The following APBB2 variants were observed in gnomAD, a reference collection of about 807,000 sequenced individuals.
The protein encoded by APBB2 is amyloid beta precursor protein binding family B member 2.
A neutral mutation model predicts 82.5 loss-of-function variants in APBB2; 38 were observed. The ratio of observed to expected loss-of-function variants is 0.46; its 90% CI spans 0.36 to 0.60. The LOEUF (loss-of-function observed/expected upper bound fraction) is 0.60, where lower values mean the gene tolerates loss of function less well. APBB2 is among the 20% of genes least tolerant of loss of function. The pLI, the probability that APBB2 is intolerant of heterozygous loss-of-function variation, is 0.00. For missense variants in APBB2, 772 were observed against 972.3 expected, an observed-to-expected ratio of 0.79 and a Z score of 2.74; for synonymous variants, 341 against 368.2, an observed-to-expected ratio of 0.93 and a Z score of 0.85.
chr4:41,178,408 C>G (rs1770407099), intron 1 of APBB2, among the ~76,000 whole-genome samples: 1 of 152,084 alleles, frequency 6.6e-6, no homozygotes, highest in East Asian at 1.9e-4. Context: ...ATGGAGCCTC[C>G]GGTACCCTGT....
chr4:40,923,692 T>C (rs1781902077), intron 10 of APBB2, among the ~76,000 whole-genome samples: 1 of 152,212 alleles, frequency 6.6e-6, no homozygotes, highest in African/African-American at 2.4e-5. Context: ...GAGGGAAGTC[T>C]GCCTTTCCTT....
intron 1 of APBB2, chr4:41,193,744 TAGAGAG>T: frequency 6.1e-6 from 1 of 165,012 alleles, no homozygotes; most frequent in Admixed American, 6.6e-5. Context: ...AGAGTCTGGG[TAGAGAG>T]AGAGAGGGAG....
intron 4 of APBB2, among the ~76,000 whole-genome samples, chr4:41,044,756 G>A (rs1722786523): frequency 6.6e-6 from 1 of 152,024 alleles, no homozygotes; most frequent in Non-Finnish European, 1.5e-5. Flanking sequence ...GATGCCCAAA[G>A]GACTTTTTCT....
intron 12 of APBB2, chr4:40,881,243 C>G: frequency 1.0e-6 from 1 of 984,980 alleles, no homozygotes; most frequent in South Asian, 4.7e-5. Context: ...ATTATTGTTC[C>G]TTCCTGAAGA....
intron 12 of APBB2, among the ~76,000 whole-genome samples, chr4:40,839,730 T>C (rs1369855729): frequency 2.0e-5 from 3 of 151,956 alleles, no homozygotes; most frequent in African/African-American, 7.3e-5. Context: ...AGTGGTGCCA[T>C]CTCGGCTCAC....
intron 4 of APBB2, among the ~76,000 whole-genome samples, chr4:41,048,949 T>A (rs987429364): frequency 6.6e-6 from 1 of 151,900 alleles, no homozygotes; most frequent in African/African-American, 2.4e-5. Flanking sequence ...GCAGACGGAG[T>A]CTCGTTCACT....
chr4:41,168,559 T>C (rs2154051297), intron 1 of APBB2, among the ~76,000 whole-genome samples: 1 of 152,212 alleles, frequency 6.6e-6, no homozygotes, highest in African/African-American at 2.4e-5. Context: ...TTTGTTTTCC[T>C]AGTAATTCGT....
Position 41,014,207 on chromosome 4 carries a change from C to T in APBB2, c.211G>A (p.Ala71Thr). 6.2e-7 allele frequency: 1 copy of T among 1,614,186 alleles called. No homozygotes were observed. Among genetic ancestry groups the T allele is most frequent in the South Asian group, 1.1e-5 (1 of 91,074 alleles). Reference sequence around the variant, plus strand: ...ATGGCCGCCTGGATGTTAGTTAGTGCATATTTTTTCCTGCATTTGGGAGGT... The same window carrying T: ...ATGGCCGCCTGGATGTTAGTTAGTGTATATTTTTTCCTGCATTTGGGAGGT... ...STPPKCRKKYALTNIQAAMGL... is the reference protein window; with the variant it reads ...STPPKCRKKYTLTNIQAAMGL... Residue 71 changes from alanine to threonine, a missense_variant, in exon 6 of 18, where the codon GCA (alanine) becomes ACA (threonine). By Grantham distance (58) the Ala-to-Thr change is moderately conservative. Transcript: ENST00000508593.
At chr4:40,981,168 G>A (rs1224600382) in intron 6 of APBB2, among the ~76,000 whole-genome samples, 2 of 152,178 alleles carry the variant, frequency 1.3e-5, no homozygotes, top group Non-Finnish European at 2.9e-5. Context: ...GCTTTGGGAG[G>A]CTGAGGCGGG....
chr4:41,062,510 G>A (rs551576491), intron 4 of APBB2, among the ~76,000 whole-genome samples: 29 of 152,182 alleles, frequency 1.9e-4, no homozygotes, highest in Middle Eastern at 3.4e-3. Context: ...AAAGGAGTAC[G>A]CAGAAGGGAG....
At chr4:41,107,242 C>T (rs576907919) in intron 2 of APBB2, among the ~76,000 whole-genome samples, 7 of 151,984 alleles carry the variant, frequency 4.6e-5, no homozygotes, top group Non-Finnish European at 1.0e-4. Context: ...ACCTGGGAGA[C>T]GGAGGTTACA....
intron 1 of APBB2, among the ~76,000 whole-genome samples, chr4:41,207,305 A>G (rs1328205188): frequency 6.6e-6 from 1 of 152,030 alleles, no homozygotes; most frequent in Non-Finnish European, 1.5e-5. Context: ...AATAACAGCA[A>G]TTCCATGAGC....
intron 1 of APBB2, among the ~76,000 whole-genome samples, chr4:41,211,914 A>T (rs1779419267): frequency 6.6e-6 from 1 of 152,218 alleles, no homozygotes; most frequent in South Asian, 2.1e-4. Flanking sequence ...ACAGGTAAAC[A>T]TGTGCTATGG....
intron 11 of APBB2, 108 bp from the exon 12 acceptor site, chr4:40,890,599 T>A: frequency 6.9e-7 from 1 of 1,445,702 alleles, no homozygotes; most frequent in Non-Finnish European, 9.3e-7. Flanking sequence ...GAAGCCACCC[T>A]GGGGTCTGTA....
rs545075562 is a variant in APBB2, at chr4:40,983,667, T to A, written c.835+29916A>T. 3.9e-5 allele frequency among the ~76,000 whole-genome samples: 6 copies of A among 152,124 alleles called. No individual in the cohort carries two copies. The East Asian group carries it at 1.2e-3, about 30-fold the overall frequency. Reference sequence around the variant, plus strand: ...ACCTCTACTCACTGCAACCTCAACATCCTGCATTTAAGCAATTCTCCTGCC... The same window carrying A: ...ACCTCTACTCACTGCAACCTCAACAACCTGCATTTAAGCAATTCTCCTGCC... On this transcript the variant is annotated intron_variant, in intron 6 of 17. Transcript: ENST00000508593.
chr4:41,195,835 C>T, intron 1 of APBB2, among the ~76,000 whole-genome samples: 2 of 152,148 alleles, frequency 1.3e-5, no homozygotes, highest in African/African-American at 4.8e-5. Context: ...GGGATCCTCC[C>T]TCAACTCTTT....
chr4:41,056,157 G>C (rs1291599302), intron 4 of APBB2, among the ~76,000 whole-genome samples: 4 of 151,996 alleles, frequency 2.6e-5, no homozygotes, highest in Non-Finnish European at 4.4e-5. Flanking sequence ...TCCAGCCTGG[G>C]CAACAAGAGC....
At chr4:40,982,262 GA>G in intron 6 of APBB2, among the ~76,000 whole-genome samples, 2 of 28,500 alleles carry the variant, frequency 7.0e-5, no homozygotes, top group South Asian at 2.4e-3. Context: ...AAGAAAGAAA[GA>G]AAGAAAGAAA....
intron 1 of APBB2, among the ~76,000 whole-genome samples, chr4:41,180,690 CAT>C (rs1355684304): frequency 6.6e-6 from 1 of 152,090 alleles, no homozygotes; most frequent in Admixed American, 6.6e-5. Flanking sequence ...AATGTGGGCA[CAT>C]GTTTTCTTGT....
Sources: gnomAD v4.1 joint callset for allele counts (sites outside exome capture counted in the v4.1 genomes callset) on GRCh38, gnomAD v4.1.1 for gene constraint, MANE v1.5 for transcripts, NCBI Gene and HGNC (gene_info 2026-07-23, HGNC 2026-07-21) for gene names.